The following ADGRA2 variants were observed in gnomAD, a reference collection of about 807,000 sequenced individuals.
ADGRA2 encodes adhesion G protein-coupled receptor A2.
Under a neutral mutation model 98.7 loss-of-function variants are expected in ADGRA2, and 61 were observed. That is an observed-to-expected ratio of 0.62 (90% confidence interval 0.50 to 0.76). ADGRA2 has a LOEUF of 0.76. Among genes scored for constraint, ADGRA2 ranks in the 30% least tolerant of loss-of-function variants. The probability of loss-of-function intolerance (pLI) is 0.00; values close to 1 mark genes in which losing one functional copy is unlikely to be tolerated. For synonymous variants in ADGRA2, 858 were observed against 831.5 expected, an observed-to-expected ratio of 1.03 and a Z score of -0.55; for missense variants, 1,712 against 1,860.0, an observed-to-expected ratio of 0.92 and a Z score of 1.46.
rs117702342 is a variant in ADGRA2, at chr8:37,833,203, G to A, written c.1291G>A (p.Val431Met). ...NDITRVLYTF[V>M]LMPINASNAL... ...CATCACCAGGGTGCTGTACACCTTC[G>A]TGCTGGTGAGGAGAGGCTAGGGCAC... Residue 431 changes from valine (V) to methionine (M), a missense_variant, in exon 9 of 19, where the codon GTG becomes ATG. Val to Met is a conservative substitution (Grantham distance 21). Coordinates refer to ENST00000412232, the MANE Select transcript of ADGRA2 (RefSeq NM_032777.10). 46 of 1,609,654 alleles carry A rather than the reference G, an allele frequency of 2.9e-5. No individual in the cohort carries two copies. The highest frequency in any genetic ancestry group is 4.5e-5 in the East Asian group (2 of 44,798).
At chr8:37,813,906 C>T (rs1470552993) in intron 1 of ADGRA2, among the ~76,000 whole-genome samples, 1 of 152,220 alleles carries the variant, frequency 6.6e-6, no homozygotes, top group Non-Finnish European at 1.5e-5. Context: ...CCCACTTCCC[C>T]CTCCCTTCCA....
chr8:37,819,495 A>C (rs1229773757), intron 2 of ADGRA2, among the ~76,000 whole-genome samples: 1 of 152,104 alleles, frequency 6.6e-6, no homozygotes, highest in African/African-American at 2.4e-5. Flanking sequence ...CAGCTTCCCA[A>C]GTAACTGGGA....
chr8:37,832,127 T>TTG (rs1441906713), intron 8 of ADGRA2, among the ~76,000 whole-genome samples: 1 of 149,302 alleles, frequency 6.7e-6, no homozygotes, highest in East Asian at 1.9e-4. Context: ...GACTTTTTTT[T>TTG]TTTTGAGAGA....
Position 37,834,728 on chromosome 8 carries a change from C to T in ADGRA2, c.1609-446C>T, listed in dbSNP as rs549373940. Among the ~76,000 whole-genome samples, 1 of 152,080 alleles carries T rather than the reference C, an allele frequency of 6.6e-6. No homozygotes were observed. The highest frequency in any genetic ancestry group is 2.1e-4 in the South Asian group (1 of 4,818). On this transcript the variant is annotated intron_variant, in intron 11 of 18. Transcript: ENST00000412232. The surrounding 1 kb of genome is among the most constrained non-coding windows in gnomAD (Gnocchi z 4.2). ...GGGCAACAGAGAGACCTGGTCTCCA[C>T]AAAAAATACAAAAATTACCCAGGAG...
chr8:37,801,126 C>T (rs1381598266), intron 1 of ADGRA2, among the ~76,000 whole-genome samples: 3 of 152,196 alleles, frequency 2.0e-5, no homozygotes, highest in South Asian at 2.1e-4. Flanking sequence ...TCCCATTTAC[C>T]GCATGGAAAG....
intron 7 of ADGRA2, 141 bp downstream of exon 7, chr8:37,831,064 G>T: frequency 1.6e-6 from 1 of 633,302 alleles, no homozygotes; most frequent in Non-Finnish European, 2.8e-6. Flanking sequence ...ACTGGACTAA[G>T]TTATCAATGG....
Position 37,840,186 on chromosome 8 carries a change from G to T in ADGRA2, c.2577G>T (p.Val859=). The change falls in exon 17 of 19, where the codon GTG becomes GTT. Residue 859 remains valine, a synonymous_variant. Coordinates refer to ENST00000412232, the MANE Select transcript of ADGRA2 (RefSeq NM_032777.10). ...TCTGGATGGGCGTGAAGGCGCGAGT[G>T]CTCCATAAGGAGCTCACCTGGAGGG... ...TLLWMGVKAR[V]LHKELTWRAP... 2 of 1,612,242 alleles carry T rather than the reference G, an allele frequency of 1.2e-6. No homozygotes were observed. The highest frequency in any genetic ancestry group is 2.2e-5 in the East Asian group (1 of 44,878).
chr8:37,835,423 G>A, intron 12 of ADGRA2, 25 bp downstream of exon 12: 1 of 1,590,812 alleles, frequency 6.3e-7, no homozygotes, highest in African/African-American at 1.3e-5. Context: ...AGGGAGAGGG[G>A]GTGGGAGAAG....
chr8:37,808,364 G>C (rs910410795), intron 1 of ADGRA2, among the ~76,000 whole-genome samples: 26 of 152,220 alleles, frequency 1.7e-4, no homozygotes, highest in Non-Finnish European at 3.4e-4. Context: ...TTTAGGGTCA[G>C]AGGACGGAGC....
intron 1 of ADGRA2, among the ~76,000 whole-genome samples, chr8:37,807,879 A>G (rs548458379): frequency 1.3e-5 from 2 of 152,326 alleles, no homozygotes; most frequent in South Asian, 2.1e-4. Context: ...GCTGACATGC[A>G]TGACTCTTCC....
At chr8:37,808,578 G>C (rs1041609311) in intron 1 of ADGRA2, among the ~76,000 whole-genome samples, 1 of 151,902 alleles carries the variant, frequency 6.6e-6, no homozygotes, top group African/African-American at 2.4e-5. Flanking sequence ...GTGTGTGTGT[G>C]TGTGTGTGTG....
intron 13 of ADGRA2, among the ~76,000 whole-genome samples, chr8:37,836,095 A>ACC (rs1048991683): frequency 9.6e-4 from 105 of 109,340 alleles, no homozygotes; most frequent in African/African-American, 3.4e-3. Context: ...ACACACACAC[A>ACC]CACCCCACAG....
intron 9 of ADGRA2, 69 bp from the exon 10 acceptor site, chr8:37,833,619 G>A (rs910806932): frequency 3.9e-6 from 6 of 1,522,104 alleles, no homozygotes; most frequent in Admixed American, 1.7e-5. Context: ...CAGAGCAGAG[G>A]GTCCCCAGGG....
At position 37,834,162 on chromosome 8, in the gene ADGRA2, AT is replaced by A; in HGVS notation, c.1608+35del. 1 of 1,579,508 alleles carries A rather than the reference AT, an allele frequency of 6.3e-7. No individual in the cohort carries two copies. Among genetic ancestry groups the A allele is most frequent in the Non-Finnish European group, 8.6e-7 (1 of 1,160,012 alleles). Reference sequence around the variant, plus strand: ...GGTCAGCAGAGGGGGTGGCCCTGGCATGCAGAGGAGGGAGGCGCTCCCTCTC... The same window carrying A: ...GGTCAGCAGAGGGGGTGGCCCTGGCAGCAGAGGAGGGAGGCGCTCCCTCTC... On this transcript the variant is annotated intron_variant, in intron 11 of 18. Coordinates refer to ENST00000412232, the MANE Select transcript of ADGRA2 (RefSeq NM_032777.10). This position sits in a 1 kb window ranked among gnomAD's most constrained non-coding sequence, Gnocchi z 4.2.
rs760199074 is a variant in ADGRA2 at position 37,844,653 on chromosome 8, G to A, written c.*2298G>A. On this transcript the variant is annotated 3_prime_UTR_variant, in exon 19 of 19. Coordinates refer to ENST00000412232, the MANE Select transcript of ADGRA2 (RefSeq NM_032777.10). The stretch of plus-strand genomic sequence containing the variant: ...AGGGGGTACAGGGCAGATCCGCTTC[G>A]GGGACTTCAACATGCAGGGTGGCAA... 31 of 1,614,038 alleles carry A rather than the reference G, an allele frequency of 1.9e-5. No individual in the cohort carries two copies. The highest frequency in any genetic ancestry group is 6.7e-5 in the East Asian group (3 of 44,876).
At position 37,833,838 on chromosome 8, in the gene ADGRA2, G is replaced by T. The variant is rs771320519; in HGVS notation, c.1446+1G>T. The T allele has an allele frequency of 6.2e-7, 1 of 1,613,996 alleles. No homozygotes were observed. The highest frequency in any genetic ancestry group is 8.5e-7 in the Non-Finnish European group (1 of 1,179,860). On this transcript the variant is annotated splice_donor_variant, in intron 10 of 18. Coordinates refer to ENST00000412232, the MANE Select transcript of ADGRA2 (RefSeq NM_032777.10). LOFTEE classifies it high-confidence loss of function. ...GGGTTATGTCGACCAGATCAAAGAG[G>T]TGAGACTCAGCTGGAACTCAGGAGC... is the stretch of plus-strand genomic sequence containing the variant.
In ADGRA2 at chr8:37,843,510, A is replaced by T. The variant is rs918803809; in HGVS notation, c.*1155A>T. 1.3e-5 allele frequency: 2 copies of T among 152,188 alleles called. No individual in the cohort carries two copies. Among genetic ancestry groups the T allele is most frequent in the African/African-American group, 4.8e-5 (2 of 41,422 alleles). 9.4% of individuals were successfully genotyped at this position (152,188 alleles called of 1,614,324 possible). On this transcript the variant is annotated 3_prime_UTR_variant, in exon 19 of 19. Transcript: ENST00000412232. Reference sequence around the variant, plus strand: ...AACACCAGCACCCGTCTTTTCCCCAACCTAAAACCAACCACCAGCATTTCA... The same window carrying T: ...AACACCAGCACCCGTCTTTTCCCCATCCTAAAACCAACCACCAGCATTTCA...
chr8:37,816,055 GT>G (rs1229585398), intron 2 of ADGRA2, among the ~76,000 whole-genome samples: 1 of 152,174 alleles, frequency 6.6e-6, no homozygotes, highest in African/African-American at 2.4e-5. Flanking sequence ...AAAGAATAAG[GT>G]GTGACTCTCC....
intron 1 of ADGRA2, among the ~76,000 whole-genome samples, chr8:37,808,558 C>CTGTGTGTG (rs150292268): frequency 6.8e-5 from 10 of 146,716 alleles, no homozygotes; most frequent in East Asian, 4.0e-4. Flanking sequence ...TTGGATGAAG[C>CTGTGTGTG]TGTGTGTGTG....
Sources: gnomAD v4.1 joint callset for allele counts (sites outside exome capture counted in the v4.1 genomes callset) on GRCh38, gnomAD v4.1.1 for gene constraint, Gnocchi (gnomAD v3.1) non-coding constraint, MANE v1.5 for transcripts, NCBI Gene and HGNC (gene_info 2026-07-23, HGNC 2026-07-21) for gene names.